Variants in SLC66A3 observed in about 807,000 individuals in gnomAD.
SLC66A3 encodes PQ loop repeat containing 3.
A neutral mutation model predicts 25.5 loss-of-function variants in SLC66A3; 23 were observed. The observed-to-expected ratio is 0.90, with a 90% CI of 0.65 to 1.28. The LOEUF is 1.28. Ranked by LOEUF, SLC66A3 falls within the 50% of genes most tolerant of loss-of-function variation. The pLI, the probability that SLC66A3 is intolerant of heterozygous loss-of-function variation, is 0.00. For synonymous variants in SLC66A3, 108 were observed against 112.6 expected, an observed-to-expected ratio of 0.96 and a Z score of 0.26; for missense variants, 246 against 262.1, an observed-to-expected ratio of 0.94 and a Z score of 0.42.
intron 1 of SLC66A3, among the ~76,000 whole-genome samples, chr2:11,156,645 G>T (rs1308344658): frequency 2.0e-5 from 3 of 152,124 alleles, no homozygotes; most frequent in African/African-American, 7.2e-5. Context: ...TGGACCCCGC[G>T]CCGGCCCTAT....
intron 6 of SLC66A3, among the ~76,000 whole-genome samples, chr2:11,176,001 C>G (rs887691414): frequency 6.6e-6 from 1 of 152,166 alleles, no homozygotes; most frequent in African/African-American, 2.4e-5. Flanking sequence ...CTGGTCAAAG[C>G]ATAAACTTTG....
intron 3 of SLC66A3, among the ~76,000 whole-genome samples, chr2:11,161,981 A>G (rs1232857633): frequency 2.0e-5 from 3 of 152,150 alleles, no homozygotes; most frequent in African/African-American, 7.2e-5. Flanking sequence ...GAGTGGTGGG[A>G]AGCAGTTGGC....
rs988737804 is a variant in SLC66A3, at chr2:11,160,195, C to G, written c.144-271C>G. The G allele has an allele frequency of 5.7e-6, 3 of 527,984 alleles. No individual in the cohort carries two copies. The African/African-American group carries it at 5.7e-5, about 10-fold the overall frequency. 32.7% of individuals were successfully genotyped at this position (527,984 alleles called of 1,614,324 possible). ...TCAGGGATTTGCCTTCTGTAAAAAT[C>G]CTTTGTAAGCGACCATCTCAAGGCA... is the stretch of plus-strand genomic sequence containing the variant. On this transcript the variant is annotated intron_variant, in intron 1 of 6. Transcript: ENST00000295083.
intron 3 of SLC66A3, 120 bp downstream of exon 3, chr2:11,160,814 A>G: frequency 6.8e-7 from 1 of 1,466,054 alleles, no homozygotes; most frequent in Non-Finnish European, 9.1e-7. Context: ...AAAAAAAAAA[A>G]AAAAAAATCC....
At chr2:11,158,448 G>C (rs892075281) in intron 1 of SLC66A3, among the ~76,000 whole-genome samples, 1 of 152,220 alleles carries the variant, frequency 6.6e-6, no homozygotes, top group Non-Finnish European at 1.5e-5. Context: ...GGATCACGAG[G>C]TCAGGAGATC....
chr2:11,177,782 C>T lies in SLC66A3; in HGVS notation c.563C>T (p.Thr188Ile), dbSNP rs771250934. The change falls in exon 7 of 7, where the codon ACA becomes ATA. Residue 188 changes from threonine to isoleucine, a missense_variant. This residue lies in a region of SLC66A3 where 93 missense variants were observed against 102.6 expected (regional missense o/e 0.91). Coordinates refer to ENST00000295083, the MANE Select transcript of SLC66A3 (RefSeq NM_152391.5). ...VIMLALNIWV[T>I]VTVLRYRKTA... ...ATGCTGGCTTTAAATATATGGGTAA[C>T]AGTGACAGTACTTCGCTACCGGAAG... The T allele has an allele frequency of 1.2e-6, 2 of 1,611,360 alleles. No individual in the cohort carries two copies. Among genetic ancestry groups the T allele is most frequent in the Non-Finnish European group, 1.7e-6 (2 of 1,178,624 alleles).
chr2:11,165,693 G>A (rs183663856), intron 4 of SLC66A3, among the ~76,000 whole-genome samples: 3,879 of 152,310 alleles, frequency 0.025, 86 homozygotes, highest in Middle Eastern at 0.048. Context: ...GTAGCGAGCC[G>A]AGATCACGTC....
chr2:11,168,092 A>T (rs893138857), intron 4 of SLC66A3, among the ~76,000 whole-genome samples: 8 of 152,140 alleles, frequency 5.3e-5, no homozygotes, highest in Non-Finnish European at 1.2e-4. Flanking sequence ...CATCCTGGCT[A>T]ACACGGTGAA....
At chr2:11,157,385 C>T (rs552130559) in intron 1 of SLC66A3, among the ~76,000 whole-genome samples, 119 of 152,366 alleles carry the variant, frequency 7.8e-4, no homozygotes, top group Non-Finnish European at 6.8e-4. Flanking sequence ...CTGCAGCCTC[C>T]AAGCCAGGGC....
At chr2:11,166,481 A>C (rs531444318) in intron 4 of SLC66A3, among the ~76,000 whole-genome samples, 17 of 152,344 alleles carry the variant, frequency 1.1e-4, no homozygotes, top group African/African-American at 4.1e-4. Flanking sequence ...TTGTCTGGAA[A>C]GTAGACTAGA....
chr2:11,172,829 G>C (rs535559494), intron 5 of SLC66A3: 2 of 392,778 alleles, frequency 5.1e-6, no homozygotes, highest in African/African-American at 4.2e-5. Context: ...CTGGGAGTAC[G>C]AGCACACACC....
At chr2:11,158,242 G>T (rs1661976411) in intron 1 of SLC66A3, among the ~76,000 whole-genome samples, 1 of 152,240 alleles carries the variant, frequency 6.6e-6, no homozygotes, top group Non-Finnish European at 1.5e-5. Flanking sequence ...AAAGGGACAG[G>T]CATGGTGGCT....
chr2:11,176,504 C>A (rs1455779503), intron 6 of SLC66A3, among the ~76,000 whole-genome samples: 1 of 150,538 alleles, frequency 6.6e-6, no homozygotes, highest in Non-Finnish European at 1.5e-5. Flanking sequence ...GCGTGTGCCA[C>A]CGCGCCCGGC....
rs1399926351 is a variant in SLC66A3, at chr2:11,171,987, G to A, written c.417G>A (p.Thr139=). The A allele has an allele frequency of 1.4e-5, 22 of 1,613,878 alleles. No homozygotes were observed. The highest frequency in any genetic ancestry group is 3.3e-4 in the Middle Eastern group (2 of 6,084). Residue 139 remains threonine (T), a synonymous_variant, in exon 5 of 7, where the codon ACG becomes ACA. Transcript: ENST00000295083. The part of the protein sequence containing the change: ...KFAQLQCLWK[T]RDSGTVSALT... The stretch of plus-strand genomic sequence containing the variant: ...CACAGCTCCAGTGTCTGTGGAAGAC[G>A]AGAGACTCAGGAACTGTGAGTGCGC...
intron 4 of SLC66A3, among the ~76,000 whole-genome samples, chr2:11,165,780 G>A (rs1045125153): frequency 1.2e-4 from 19 of 152,202 alleles, no homozygotes; most frequent in Non-Finnish European, 2.4e-4. Flanking sequence ...TCGGGAGGCC[G>A]AGGCTGGCAG....
chr2:11,163,249 G>A (rs1362396865), intron 3 of SLC66A3, among the ~76,000 whole-genome samples: 1 of 152,166 alleles, frequency 6.6e-6, no homozygotes, highest in South Asian at 2.1e-4. Flanking sequence ...GATCTCAGGA[G>A]CTCCTACTAT....
intron 4 of SLC66A3, among the ~76,000 whole-genome samples, chr2:11,168,481 T>C (rs958430008): frequency 6.6e-6 from 1 of 152,148 alleles, no homozygotes; most frequent in African/African-American, 2.4e-5. Flanking sequence ...ATGAATCTGG[T>C]AGAATATCTA....
At chr2:11,174,519 C>T (rs551041023) in intron 5 of SLC66A3, among the ~76,000 whole-genome samples, 7 of 152,178 alleles carry the variant, frequency 4.6e-5, no homozygotes, top group East Asian at 1.9e-4. Flanking sequence ...GTTTTTGAGA[C>T]GGAGTCTGGC....
intron 4 of SLC66A3, among the ~76,000 whole-genome samples, chr2:11,170,085 C>T (rs932989928): frequency 6.6e-6 from 1 of 152,210 alleles, no homozygotes; most frequent in African/African-American, 2.4e-5. Context: ...GATCTGCCCG[C>T]CTCGGCCTCC....
Sources: allele counts gnomAD v4.1 joint callset (sites outside exome capture counted in the v4.1 genomes callset), GRCh38; gene constraint gnomAD v4.1.1; regional missense constraint gnomAD v4.1.1; transcripts MANE v1.5; gene names NCBI Gene and HGNC (gene_info 2026-07-23, HGNC 2026-07-21).